DIAPH3: variants seen among roughly 807,000 people sequenced by gnomAD.
DIAPH3 encodes the protein protein diaphanous homolog 3.
In DIAPH3, 117 loss-of-function variants were observed where a neutral mutation model predicts 144.3. That is an observed-to-expected ratio of 0.81 (90% confidence interval 0.70 to 0.95). The LOEUF (loss-of-function observed/expected upper bound fraction) is 0.95, where lower values mean the gene tolerates loss of function less well. Ranked by LOEUF, DIAPH3 falls within the 40% of genes least tolerant of loss-of-function variation. The pLI is 0.00. For missense variants in DIAPH3, 1,421 were observed against 1,412.7 expected, an observed-to-expected ratio of 1.01 and a Z score of -0.09; for synonymous variants, 519 against 488.9, an observed-to-expected ratio of 1.06 and a Z score of -0.81.
At chr13:59,860,874 C>A (rs1034561414) in intron 22 of DIAPH3, among the ~76,000 whole-genome samples, 1 of 152,076 alleles carries the variant, frequency 6.6e-6, no homozygotes, top group African/African-American at 2.4e-5. Context: ...CTGATCTAAG[C>A]CCACAATTGA....
In DIAPH3 at chr13:60,024,190, C is replaced by T. The variant is rs1358540231; in HGVS notation, c.627-8045G>A. Among the ~76,000 whole-genome samples the T allele has an allele frequency of 3.3e-5, 5 of 152,188 alleles. No homozygotes were observed. In the East Asian group the frequency reaches 9.7e-4, roughly 29 times the overall value. ...TTATTTCTTCATGTACTTTTTTATC[C>T]TGTCCTCTTTCTCCTCTCAAGTCTC... On this transcript the variant is annotated intron_variant, in intron 5 of 27. Coordinates refer to ENST00000400324, the MANE Select transcript of DIAPH3 (RefSeq NM_001042517.2).
intron 2 of DIAPH3, among the ~76,000 whole-genome samples, chr13:60,127,379 C>T (rs1203174641): frequency 6.6e-6 from 1 of 150,570 alleles, no homozygotes; most frequent in Non-Finnish European, 1.5e-5. Flanking sequence ...GACATTTAAA[C>T]AAGAAAATGT....
intron 14 of DIAPH3, among the ~76,000 whole-genome samples, chr13:59,980,455 G>C (rs189658641): frequency 1.1e-4 from 16 of 151,568 alleles, no homozygotes; most frequent in African/African-American, 3.6e-4. Context: ...AATTGTTCCT[G>C]GTGCAGGGAT....
chr13:59,829,067 A>G (rs904193976), intron 24 of DIAPH3, among the ~76,000 whole-genome samples: 2 of 151,918 alleles, frequency 1.3e-5, no homozygotes, highest in Non-Finnish European at 2.9e-5. Context: ...GCTCTCATAG[A>G]GCAAACAAAA....
At chr13:60,111,868 CT>C in intron 3 of DIAPH3, 141 bp downstream of exon 3, 1 of 803,952 alleles carries the variant, frequency 1.2e-6, no homozygotes, top group South Asian at 1.7e-5. Context: ...TCCAAAAACT[CT>C]TTGTGGCTGA....
At chr13:60,027,390 A>G (rs1486311278) in intron 5 of DIAPH3, among the ~76,000 whole-genome samples, 2 of 152,240 alleles carry the variant, frequency 1.3e-5, no homozygotes, top group Admixed American at 6.5e-5. Flanking sequence ...AAGAAACTGT[A>G]TATTTAAAAA....
intron 25 of DIAPH3, among the ~76,000 whole-genome samples, chr13:59,785,107 A>G (rs2038964283): frequency 1.3e-5 from 2 of 152,228 alleles, no homozygotes; most frequent in Admixed American, 6.5e-5. Flanking sequence ...CAAGGGAGTT[A>G]GAAAGCCGAT....
chr13:59,882,065 T>C (rs1284973520), intron 20 of DIAPH3, among the ~76,000 whole-genome samples: 1 of 152,128 alleles, frequency 6.6e-6, no homozygotes, highest in Non-Finnish European at 1.5e-5. Context: ...ATCTAAATCA[T>C]GGAATCTATG....
intron 1 of DIAPH3, chr13:60,144,601 G>C (rs1951419227): frequency 6.6e-6 from 1 of 152,198 alleles, no homozygotes; most frequent in South Asian, 2.1e-4. Flanking sequence ...CAGAATTCTA[G>C]AATTGGAATT....
chr13:59,819,045 T>G (rs547118240), intron 24 of DIAPH3, among the ~76,000 whole-genome samples: 1 of 151,964 alleles, frequency 6.6e-6, no homozygotes, highest in South Asian at 2.1e-4. Context: ...AAACAATCCC[T>G]TGTTTCTTTG....
intron 20 of DIAPH3, among the ~76,000 whole-genome samples, chr13:59,901,578 C>T (rs2140179379): frequency 6.6e-6 from 1 of 152,228 alleles, no homozygotes; most frequent in East Asian, 1.9e-4. Context: ...ATATTGCTAC[C>T]ATCCCCAATA....
chr13:59,976,228 A>G (rs763595572), intron 14 of DIAPH3, among the ~76,000 whole-genome samples: 2 of 151,986 alleles, frequency 1.3e-5, no homozygotes, highest in Non-Finnish European at 2.9e-5. Context: ...AATTCATTCT[A>G]AAAACGCTGA....
chr13:59,904,065 A>G (rs1021403757), intron 20 of DIAPH3, among the ~76,000 whole-genome samples: 1 of 152,220 alleles, frequency 6.6e-6, no homozygotes, highest in Non-Finnish European at 1.5e-5. Flanking sequence ...TATAGAATGA[A>G]GTGTTAGGGA....
chr13:59,769,588 C>T (rs2038019420), intron 27 of DIAPH3, among the ~76,000 whole-genome samples: 1 of 151,744 alleles, frequency 6.6e-6, no homozygotes, highest in Admixed American at 6.6e-5. Context: ...TTTGACTTTT[C>T]CCCATCCATA....
chr13:59,772,424 A>C (rs189822031), intron 27 of DIAPH3, among the ~76,000 whole-genome samples: 1 of 152,214 alleles, frequency 6.6e-6, no homozygotes, highest in East Asian at 1.9e-4. Context: ...AGAGAATTTG[A>C]ACTTTGTGAT....
Position 59,957,116 on chromosome 13 carries a change from A to G in DIAPH3, c.2074+12828T>C, listed in dbSNP as rs371602357. Among the ~76,000 whole-genome samples, 340 of 152,286 alleles carry G rather than the reference A, an allele frequency of 2.2e-3. 2 individuals are homozygous for G. The highest frequency in any genetic ancestry group is 7.5e-3 in the African/African-American group (310 of 41,560). Reference sequence around the variant, plus strand: ...ATTTTGGACTGTGAACTTTTGAGTTAATGCTGAAATGAGTTAAGACTTTGG... The same window carrying G: ...ATTTTGGACTGTGAACTTTTGAGTTGATGCTGAAATGAGTTAAGACTTTGG... On this transcript the variant is annotated intron_variant, in intron 17 of 27. Transcript: ENST00000400324.
intron 27 of DIAPH3, among the ~76,000 whole-genome samples, chr13:59,704,591 G>A (rs774682581): frequency 1.3e-5 from 2 of 152,180 alleles, no homozygotes; most frequent in African/African-American, 4.8e-5. Flanking sequence ...TGGTGATCCC[G>A]TAAGACAAAA....
chr13:59,846,802 G>C (rs149797744), intron 22 of DIAPH3, among the ~76,000 whole-genome samples: 1 of 152,200 alleles, frequency 6.6e-6, no homozygotes, highest in Non-Finnish European at 1.5e-5. Context: ...GCTGCCGGGT[G>C]CAGTGGTTCA....
chr13:60,074,454 A>G (rs952249944), intron 4 of DIAPH3, among the ~76,000 whole-genome samples: 1 of 152,136 alleles, frequency 6.6e-6, no homozygotes, highest in South Asian at 2.1e-4. Context: ...TGCCCTTCCT[A>G]TTCCTCTAGC....
Sources: allele counts gnomAD v4.1 joint callset (sites outside exome capture counted in the v4.1 genomes callset), GRCh38; gene constraint gnomAD v4.1.1; transcripts MANE v1.5; gene names NCBI Gene and HGNC (gene_info 2026-07-23, HGNC 2026-07-21).